The following STYK1 variants were observed in gnomAD, a reference collection of about 807,000 sequenced individuals.
STYK1 encodes tyrosine-protein kinase STYK1.
STYK1 carries 46 observed loss-of-function variants against 48.1 expected under a neutral mutation model. The observed-to-expected ratio is 0.96, with a 90% CI of 0.75 to 1.22. The LOEUF (loss-of-function observed/expected upper bound fraction) is 1.22. Ranked by LOEUF, STYK1 falls within the 50% of genes most tolerant of loss-of-function variation. The probability of loss-of-function intolerance (pLI) is 0.00; values close to 1 mark genes in which losing one functional copy is unlikely to be tolerated. For missense variants in STYK1, 527 were observed against 521.1 expected, an observed-to-expected ratio of 1.01 and a Z score of -0.11; for synonymous variants, 188 against 189.0, an observed-to-expected ratio of 0.99 and a Z score of 0.04.
At chr12:10,658,345 T>A (rs921537581) in intron 1 of STYK1, among the ~76,000 whole-genome samples, 2 of 152,210 alleles carry the variant, frequency 1.3e-5, no homozygotes, top group African/African-American at 4.8e-5. Flanking sequence ...GAATAAGATT[T>A]TTGTGTAATA....
chr12:10,642,937 G>A (rs776446543), intron 1 of STYK1, among the ~76,000 whole-genome samples: 1 of 152,108 alleles, frequency 6.6e-6, no homozygotes, highest in Non-Finnish European at 1.5e-5. Context: ...TCAGCTCCTT[G>A]TACTGGTTCC....
intron 1 of STYK1, among the ~76,000 whole-genome samples, chr12:10,670,278 C>A (rs1052275937): frequency 6.6e-6 from 1 of 152,044 alleles, no homozygotes; most frequent in Non-Finnish European, 1.5e-5. Flanking sequence ...GCTGTCTGCA[C>A]GCCATGTTTA....
chr12:10,639,142 A>G (rs1204438492), intron 1 of STYK1, among the ~76,000 whole-genome samples: 1 of 152,192 alleles, frequency 6.6e-6, no homozygotes. Flanking sequence ...AAAAACAAAA[A>G]CAAAAAACAA....
chr12:10,627,151 G>A (rs1947368152), intron 7 of STYK1, among the ~76,000 whole-genome samples: 1 of 152,100 alleles, frequency 6.6e-6, no homozygotes, highest in Non-Finnish European at 1.5e-5. Flanking sequence ...CAGTATCAAA[G>A]CAAGTCTCCA....
intron 5 of STYK1, 90 bp downstream of exon 5, chr12:10,630,955 C>CA: frequency 6.6e-7 from 1 of 1,511,220 alleles, no homozygotes; most frequent in Non-Finnish European, 9.1e-7. Flanking sequence ...GTTATGATCA[C>CA]AACTATCTGT....
intron 10 of STYK1, among the ~76,000 whole-genome samples, chr12:10,620,841 G>A (rs1202091970): frequency 6.6e-6 from 1 of 152,120 alleles, no homozygotes; most frequent in African/African-American, 2.4e-5. Flanking sequence ...CAGATGACAA[G>A]GCTGTGTTAC....
chr12:10,668,258 G>A (rs7296286), intron 1 of STYK1, among the ~76,000 whole-genome samples: 18,741 of 152,018 alleles, frequency 0.12, 3,484 homozygotes, highest in African/African-American at 0.41. Context: ...CTCACAAAGA[G>A]AGAACCAGAG....
chr12:10,655,872 T>C (rs1473771122), intron 1 of STYK1, among the ~76,000 whole-genome samples: 5 of 152,250 alleles, frequency 3.3e-5, no homozygotes, highest in African/African-American at 9.6e-5. Flanking sequence ...TAAAAGAAGA[T>C]ATATGAGCTA....
intron 2 of STYK1, among the ~76,000 whole-genome samples, chr12:10,635,145 T>G (rs1369370459): frequency 2.0e-5 from 3 of 152,172 alleles, no homozygotes; most frequent in Non-Finnish European, 4.4e-5. Flanking sequence ...GAAGTTGGGA[T>G]CTTGCTCTGT....
At chr12:10,626,474 T>C (rs1052244315) in intron 7 of STYK1, among the ~76,000 whole-genome samples, 56 of 152,170 alleles carry the variant, frequency 3.7e-4, no homozygotes, top group African/African-American at 1.3e-3. Flanking sequence ...TTAATCCTTT[T>C]TTTCTAACCT....
chr12:10,649,442 T>C (rs1947635897), intron 1 of STYK1, among the ~76,000 whole-genome samples: 3 of 152,222 alleles, frequency 2.0e-5, no homozygotes, highest in South Asian at 4.1e-4. Context: ...CAGCAATTTG[T>C]AATGTTAGTG....
intron 1 of STYK1, among the ~76,000 whole-genome samples, chr12:10,647,498 TG>T (rs1157402700): frequency 6.6e-6 from 1 of 152,222 alleles, no homozygotes; most frequent in Non-Finnish European, 1.5e-5. Context: ...AACTTGCTTT[TG>T]ATTTTACAGG....
At chr12:10,643,315 C>G (rs1947565040) in intron 1 of STYK1, among the ~76,000 whole-genome samples, 2 of 152,208 alleles carry the variant, frequency 1.3e-5, no homozygotes, top group Admixed American at 1.3e-4. Flanking sequence ...TTGAATGCCT[C>G]TTTACTGACC....
At chr12:10,663,421 A>G (rs368640270) in intron 1 of STYK1, among the ~76,000 whole-genome samples, 13 of 151,950 alleles carry the variant, frequency 8.6e-5, no homozygotes, top group African/African-American at 3.1e-4. Flanking sequence ...GACCACAGTG[A>G]AACCCGTCTC....
rs749836195 is a variant in STYK1, at chr12:10,624,652, C to A, written c.925G>T (p.Val309Phe). Reference protein sequence around the residue: ...LLRPASIRADVWSFGILLYEM... With the variant: ...LLRPASIRADFWSFGILLYEM... ...TCAGAGTCCAGGAATAAACCGTACA[C>A]ATCTGCTCTGATGCTAGCAGGTCTC... Residue 309 changes from valine to phenylalanine, a missense_variant and splice_region_variant, in exon 8 of 11, where the codon GTC becomes TTC. By Grantham distance (50) the Val-to-Phe change is conservative. Coordinates refer to ENST00000075503, the MANE Select transcript of STYK1 (RefSeq NM_018423.3). 11 of 1,613,744 alleles carry A rather than the reference C, an allele frequency of 6.8e-6. No homozygotes were observed. The Admixed American group carries it at 1.5e-4, about 22-fold the overall frequency.
intron 8 of STYK1, among the ~76,000 whole-genome samples, chr12:10,624,437 AG>A (rs1947332798): frequency 6.6e-6 from 1 of 152,072 alleles, no homozygotes; most frequent in Non-Finnish European, 1.5e-5. Context: ...AAAGAAAAGA[AG>A]AAAAGAAAAG....
chr12:10,644,235 G>C (rs1947576020), intron 1 of STYK1, among the ~76,000 whole-genome samples: 1 of 152,200 alleles, frequency 6.6e-6, no homozygotes, highest in African/African-American at 2.4e-5. Context: ...TATGGTGACA[G>C]ACAATTCTGT....
chr12:10,634,169 A>C (rs200177881), intron 3 of STYK1, 45 bp from the exon 4 acceptor site: 1 of 1,472,040 alleles, frequency 6.8e-7, no homozygotes, highest in African/African-American at 1.5e-5. Context: ...GAAGAAGCCT[A>C]ACCTGGTGTT....
intron 6 of STYK1, among the ~76,000 whole-genome samples, chr12:10,628,754 T>G (rs1289823335): frequency 6.6e-6 from 1 of 152,208 alleles, no homozygotes; most frequent in African/African-American, 2.4e-5. Context: ...TAAAAATTTC[T>G]GAATGCTTTA....
Sources: gnomAD v4.1 joint callset for allele counts (sites outside exome capture counted in the v4.1 genomes callset) on GRCh38, gnomAD v4.1.1 for gene constraint, MANE v1.5 for transcripts, NCBI Gene and HGNC (gene_info 2026-07-23, HGNC 2026-07-21) for gene names.